The following BLTP3B variants were observed in gnomAD, a reference collection of about 807,000 sequenced individuals.
The protein encoded by BLTP3B is UHRF1 (ICBP90) binding protein 1-like.
At chr12:100,048,774 G>GTGTGTA in the BLTP3B span, among the ~76,000 whole-genome samples, 4 of 57,976 alleles carry the variant, frequency 6.9e-5, no homozygotes, top group Non-Finnish European at 8.4e-5. Context: ...GAGAGTGAGT[G>GTGTGTA]TGTGTGTGTG....
chr12:100,141,573 C>A, the BLTP3B span, among the ~76,000 whole-genome samples: 1 of 152,150 alleles, frequency 6.6e-6, no homozygotes. Context: ...AATATATAAC[C>A]TGTGGTATAA....
chr12:100,047,440 A>G, the BLTP3B span: 55 of 917,268 alleles, frequency 6.0e-5, no homozygotes, highest in Middle Eastern at 4.5e-4. Flanking sequence ...AGAGGTTTGC[A>G]GTAGGCTGAG....
chr12:100,142,606 C>T, the BLTP3B span: 15 of 1,608,966 alleles, frequency 9.3e-6, no homozygotes, highest in Non-Finnish European at 1.0e-5. Context: ...AGAGGTGCTT[C>T]AAGATTTGTT....
the BLTP3B span, among the ~76,000 whole-genome samples, chr12:100,130,921 A>AATACATACATACATACATAC: frequency 0.032 from 4,090 of 127,618 alleles, 143 homozygotes; most frequent in African/African-American, 0.077. Flanking sequence ...ATCTCAAAAA[A>AATACATACATACATACATAC]ATACATACAT....
chr12:100,037,726 C>A, the BLTP3B span: 1 of 1,608,024 alleles, frequency 6.2e-7, no homozygotes, highest in African/African-American at 1.3e-5. Context: ...TAGCCAGTTC[C>A]TGTTTAAGAG....
chr12:100,099,122 G>C, the BLTP3B span, among the ~76,000 whole-genome samples: 1 of 151,272 alleles, frequency 6.6e-6, no homozygotes, highest in African/African-American at 2.4e-5. Context: ...CCTCCGGAGT[G>C]GCTGGGATTA....
chr12:100,140,704 CAAAAAAAAAA>C, the BLTP3B span, among the ~76,000 whole-genome samples: 20 of 33,758 alleles, frequency 5.9e-4, no homozygotes, highest in African/African-American at 7.9e-4. Context: ...GACTCTGTCT[CAAAAAAAAAA>C]AAAAAAAAAA....
chr12:100,108,437 C>A, the BLTP3B span: 1 of 1,613,350 alleles, frequency 6.2e-7, no homozygotes, highest in Non-Finnish European at 8.5e-7. Flanking sequence ...GCCATGTTGG[C>A]AAATCCAACA....
chr12:100,124,967 T>TATATAC, the BLTP3B span, among the ~76,000 whole-genome samples: 1 of 115,808 alleles, frequency 8.6e-6, no homozygotes, highest in East Asian at 3.0e-4. Context: ...TATATATATA[T>TATATAC]ATATATATAT....
the BLTP3B span, chr12:100,128,875 G>T: frequency 1.7e-6 from 1 of 600,988 alleles, no homozygotes; most frequent in Non-Finnish European, 2.2e-6. Flanking sequence ...AAGGCAAACT[G>T]CCTAAATTCT....
the BLTP3B span, among the ~76,000 whole-genome samples, chr12:100,085,720 T>C: frequency 1.3e-5 from 2 of 152,148 alleles, no homozygotes; most frequent in Non-Finnish European, 2.9e-5. Context: ...GCAAAAACGG[T>C]ATAAAGTCAA....
At chr12:100,109,160 CTCTCTCTCTCTCTCTCT>C in the BLTP3B span, among the ~76,000 whole-genome samples, 1 of 3,210 alleles carries the variant, frequency 3.1e-4, no homozygotes, top group Non-Finnish European at 7.3e-4. Flanking sequence ...GGCAGTTTTC[CTCTCTCTCTCTCTCTCT>C]CTCTCTCTCT....
the BLTP3B span, among the ~76,000 whole-genome samples, chr12:100,087,615 A>T: frequency 1.3e-5 from 2 of 152,194 alleles, no homozygotes; most frequent in African/African-American, 2.4e-5. Flanking sequence ...GCAAAGAATA[A>T]AAAAAAGTAT....
At chr12:100,102,268 C>A in the BLTP3B span, among the ~76,000 whole-genome samples, 1 of 152,050 alleles carries the variant, frequency 6.6e-6, no homozygotes, top group East Asian at 1.9e-4. Context: ...TGGCGCCATG[C>A]CCAGCTAAAG....
chr12:100,063,646 C>T, the BLTP3B span, among the ~76,000 whole-genome samples: 7 of 147,272 alleles, frequency 4.8e-5, no homozygotes, highest in East Asian at 2.0e-4. Context: ...ACGAAGGTTG[C>T]GGTAAGCCTA....
the BLTP3B span, among the ~76,000 whole-genome samples, chr12:100,119,566 G>A: frequency 5.9e-5 from 9 of 152,054 alleles, no homozygotes; most frequent in South Asian, 4.1e-4. Flanking sequence ...TACAGTAATC[G>A]AGGCAGTCTG....
the BLTP3B span, among the ~76,000 whole-genome samples, chr12:100,041,686 C>T: frequency 9.2e-5 from 14 of 152,160 alleles, no homozygotes; most frequent in East Asian, 3.9e-4. Flanking sequence ...CCACCCGCCT[C>T]GGCTTCCCAA....
the BLTP3B span, among the ~76,000 whole-genome samples, chr12:100,122,595 C>CT: frequency 1.3e-5 from 2 of 152,174 alleles, no homozygotes; most frequent in Non-Finnish European, 1.5e-5. Flanking sequence ...TAAACATTTT[C>CT]TTTTTTCATA....
At chr12:100,068,508 TA>T in the BLTP3B span, among the ~76,000 whole-genome samples, 1 of 152,172 alleles carries the variant, frequency 6.6e-6, no homozygotes, top group Non-Finnish European at 1.5e-5. Flanking sequence ...GACACTTAAT[TA>T]AACAGCTTTG....
Sources: allele counts gnomAD v4.1 joint callset (sites outside exome capture counted in the v4.1 genomes callset), GRCh38; gene constraint gnomAD v4.1.1; transcripts MANE v1.5; gene names NCBI Gene and HGNC (gene_info 2026-07-23, HGNC 2026-07-21).